GLP2R: variants seen among roughly 807,000 people sequenced by gnomAD.
The protein encoded by GLP2R is glucagon-like peptide 2 receptor.
A neutral mutation model predicts 68.2 loss-of-function variants in GLP2R; 59 were observed. The observed-to-expected ratio is 0.87, with a 90% CI of 0.70 to 1.07. The LOEUF is 1.07. Among genes scored for constraint, GLP2R ranks in the 50% least tolerant of loss-of-function variants. The pLI, the probability that GLP2R is intolerant of heterozygous loss-of-function variation, is 0.00. For synonymous variants in GLP2R, 270 were observed against 265.4 expected (o/e 1.02, Z -0.17); for missense variants, 548 against 677.4 (o/e 0.81, Z 2.12).
chr17:9,864,763 T>C (rs990941429), intron 9 of GLP2R, among the ~76,000 whole-genome samples: 7 of 152,108 alleles, frequency 4.6e-5, no homozygotes, highest in Non-Finnish European at 8.8e-5. Flanking sequence ...CCTCAAGCAA[T>C]CTACCCACCT....
chr17:9,840,541 A>G (rs1354194886), intron 3 of GLP2R, among the ~76,000 whole-genome samples: 3 of 152,262 alleles, frequency 2.0e-5, no homozygotes, highest in South Asian at 2.1e-4. Context: ...AAAACCGAGT[A>G]AGATCTCTCT....
At position 9,868,386 on chromosome 17, in the gene GLP2R, C is replaced by T. The variant is rs564745648; in HGVS notation, c.1057-2361C>T. Among the ~76,000 whole-genome samples, 891 of 152,212 alleles carry T rather than the reference C, an allele frequency of 5.9e-3. 10 individuals are homozygous for T. Among genetic ancestry groups the T allele is most frequent in the African/African-American group, 0.02 (828 of 41,534 alleles). ...CAATCACCTCTGCCAACTTGTAGGC[C>T]CAGATCTGTGCACAGAAGCTGGGGT... is the stretch of plus-strand genomic sequence containing the variant. On this transcript the variant is annotated intron_variant, in intron 9 of 12. Coordinates refer to ENST00000262441, the MANE Select transcript of GLP2R (RefSeq NM_004246.3).
intron 9 of GLP2R, chr17:9,866,190 T>A: frequency 3.6e-6 from 1 of 276,736 alleles, no homozygotes; most frequent in Non-Finnish European, 7.0e-6. Context: ...ATGACTGACT[T>A]GTGATGTGTC....
intron 6 of GLP2R, among the ~76,000 whole-genome samples, chr17:9,859,514 C>T (rs914502307): frequency 5.3e-5 from 8 of 151,622 alleles, no homozygotes; most frequent in African/African-American, 9.7e-5. Flanking sequence ...GGGAGGGGGC[C>T]GGGCACGGTG....
At chr17:9,854,271 A>G (rs1234785022) in intron 4 of GLP2R, among the ~76,000 whole-genome samples, 1 of 152,160 alleles carries the variant, frequency 6.6e-6, no homozygotes, top group African/African-American at 2.4e-5. Flanking sequence ...CAGGGGTGAG[A>G]CCCACCGTGG....
At chr17:9,826,941 G>C (rs1246313992) in intron 1 of GLP2R, among the ~76,000 whole-genome samples, 1 of 152,110 alleles carries the variant, frequency 6.6e-6, no homozygotes, top group East Asian at 1.9e-4. Flanking sequence ...GTGAGATCTT[G>C]GCTCACTGCA....
At chr17:9,872,639 T>G (rs1349742490) in intron 10 of GLP2R, among the ~76,000 whole-genome samples, 1 of 152,128 alleles carries the variant, frequency 6.6e-6, no homozygotes, top group African/African-American at 2.4e-5. Flanking sequence ...GAGCATGCAT[T>G]CTACTTTGCT....
intron 4 of GLP2R, among the ~76,000 whole-genome samples, chr17:9,847,392 C>G (rs937571707): frequency 2.6e-5 from 4 of 152,076 alleles, no homozygotes; most frequent in Non-Finnish European, 5.9e-5. Context: ...GCCTCAGCCT[C>G]CAGAGTAGCT....
At position 9,854,617 on chromosome 17, in the gene GLP2R, G is replaced by T; in HGVS notation, c.611+16G>T. On this transcript the variant is annotated intron_variant, in intron 5 of 12. Coordinates refer to ENST00000262441, the MANE Select transcript of GLP2R (RefSeq NM_004246.3). ...TGTTTCTTCGGTGAGTAGAACTTCTGCAGGCATGTGTTCGGGCAGGTATAG... is the reference window on the plus strand; with the variant it reads ...TGTTTCTTCGGTGAGTAGAACTTCTTCAGGCATGTGTTCGGGCAGGTATAG... The T allele has an allele frequency of 7.1e-7, 1 of 1,415,368 alleles. No individual in the cohort carries two copies. The highest frequency in any genetic ancestry group is 1.0e-6 in the Non-Finnish European group (1 of 998,638). 87.7% of individuals were successfully genotyped at this position (1,415,368 alleles called of 1,614,324 possible). A position where few individuals can be genotyped will look rare whatever the true frequency, so the allele number is the denominator to read the frequency against.
chr17:9,826,811 A>G (rs1215153443), intron 1 of GLP2R, among the ~76,000 whole-genome samples: 3 of 152,102 alleles, frequency 2.0e-5, no homozygotes, highest in African/African-American at 7.2e-5. Flanking sequence ...CCTCATTCAC[A>G]TTTGGGGGCT....
chr17:9,850,205 G>C (rs1020417388), intron 4 of GLP2R, among the ~76,000 whole-genome samples: 1 of 152,186 alleles, frequency 6.6e-6, no homozygotes, highest in Non-Finnish European at 1.5e-5. Flanking sequence ...GGTACTAAGC[G>C]TGAGCTGGAG....
chr17:9,852,048 G>C (rs891056217), intron 4 of GLP2R, among the ~76,000 whole-genome samples: 1 of 109,458 alleles, frequency 9.1e-6, no homozygotes, highest in African/African-American at 4.7e-5. Flanking sequence ...TATAGCATTT[G>C]TTTTTTTTTT....
intron 10 of GLP2R, among the ~76,000 whole-genome samples, 194 bp from the exon 11 acceptor site, chr17:9,880,184 C>G (rs138599380): frequency 6.6e-6 from 1 of 152,152 alleles, no homozygotes; most frequent in South Asian, 2.1e-4. Context: ...ATTCCCCATG[C>G]GTCAAGTGTA....
chr17:9,884,313 A>T (rs1464830636), intron 11 of GLP2R, among the ~76,000 whole-genome samples: 1 of 152,230 alleles, frequency 6.6e-6, no homozygotes, highest in Non-Finnish European at 1.5e-5. Context: ...GCCTCATGGG[A>T]TTCACAAAAT....
chr17:9,854,693 C>G (rs1400193113), intron 5 of GLP2R, 92 bp downstream of exon 5: 1 of 794,856 alleles, frequency 1.3e-6, no homozygotes, highest in Non-Finnish European at 2.2e-6. Context: ...CAGTAGATGC[C>G]TGAAACCAGG....
intron 11 of GLP2R, among the ~76,000 whole-genome samples, chr17:9,883,942 T>G (rs1002768361): frequency 6.6e-6 from 1 of 152,204 alleles, no homozygotes; most frequent in Non-Finnish European, 1.5e-5. Flanking sequence ...AAAAGGTAGA[T>G]ACACAGGTAA....
chr17:9,870,612 T>A, intron 9 of GLP2R, 135 bp from the exon 10 acceptor site: 1 of 682,182 alleles, frequency 1.5e-6, no homozygotes, highest in Non-Finnish European at 2.7e-6. Context: ...ATTTACTACC[T>A]GGCCAGCTAA....
At chr17:9,835,818 C>T (rs529172965) in intron 2 of GLP2R, among the ~76,000 whole-genome samples, 1 of 151,916 alleles carries the variant, frequency 6.6e-6, no homozygotes, top group Admixed American at 6.6e-5. Flanking sequence ...AGGTGGGCAG[C>T]TAACTTGAAG....
chr17:9,875,629 A>G (rs1430381205), intron 10 of GLP2R, among the ~76,000 whole-genome samples: 3 of 152,212 alleles, frequency 2.0e-5, no homozygotes, highest in Non-Finnish European at 2.9e-5. Context: ...AAAATGGTCC[A>G]TCTGTCTGGC....
Sources: gnomAD v4.1 joint callset for allele counts (sites outside exome capture counted in the v4.1 genomes callset) on GRCh38, gnomAD v4.1.1 for gene constraint, MANE v1.5 for transcripts, NCBI Gene and HGNC (gene_info 2026-07-23, HGNC 2026-07-21) for gene names.